Variants in GYS2 observed in about 807,000 individuals in gnomAD.
GYS2 encodes the protein glycogen synthase 2, also known as glycogen [starch] synthase, liver.
Under a neutral mutation model 85.6 loss-of-function variants are expected in GYS2, and 80 were observed. That is an observed-to-expected ratio of 0.93 (90% CI 0.78 to 1.13). GYS2 has a LOEUF of 1.13. Ranked by LOEUF, GYS2 falls within the 50% of genes most tolerant of loss-of-function variation. GYS2 has a pLI of 0.00. For synonymous variants in GYS2, 328 were observed against 300.7 expected, an observed-to-expected ratio of 1.09 and a Z score of -0.94; for missense variants, 881 against 854.9, an observed-to-expected ratio of 1.03 and a Z score of -0.38.
intron 1 of GYS2, among the ~76,000 whole-genome samples, chr12:21,586,460 T>TATC (rs1482246746): frequency 6.6e-5 from 10 of 151,272 alleles, no homozygotes; most frequent in South Asian, 6.3e-4. Flanking sequence ...TCTATCTATC[T>TATC]ATCTCCTATT....
rs2136906609 is a variant in GYS2, at chr12:21,576,067, A to G, written c.304-10T>C. On this transcript the variant is annotated splice_polypyrimidine_tract_variant and intron_variant, in intron 2 of 15. Transcript: ENST00000261195. The stretch of plus-strand genomic sequence containing the variant: ...ATCTTCCAAAATGCACCTGTCATAT[A>G]AAGAACACAGCCATGTAGTGATATT... The G allele has an allele frequency of 1.2e-6, 2 of 1,606,156 alleles. No homozygotes were observed. The highest frequency in any genetic ancestry group is 1.7e-6 in the Non-Finnish European group (2 of 1,175,242).
chr12:21,594,144 T>C (rs181938868), intron 1 of GYS2, among the ~76,000 whole-genome samples: 30 of 152,202 alleles, frequency 2.0e-4, no homozygotes, highest in African/African-American at 6.3e-4. Flanking sequence ...GCTAACATCA[T>C]ACTGAATTGG....
At chr12:21,552,910 C>G (rs892922223) in intron 11 of GYS2, among the ~76,000 whole-genome samples, 2 of 152,208 alleles carry the variant, frequency 1.3e-5, no homozygotes, top group Non-Finnish European at 2.9e-5. Context: ...AATCCGCTTT[C>G]TTCACCTCTC....
intron 1 of GYS2, among the ~76,000 whole-genome samples, chr12:21,581,973 C>T (rs558077629): frequency 8.6e-5 from 13 of 152,010 alleles, no homozygotes; most frequent in African/African-American, 2.9e-4. Context: ...CAAAACTAAA[C>T]ACAACAAAAA....
In GYS2 at chr12:21,541,284, A is replaced by AAC. The variant is rs1555153474; in HGVS notation, c.1646-712_1646-711insGT. On this transcript the variant is annotated intron_variant, in intron 13 of 15. Transcript: ENST00000261195. ...CCATGTTTCCAAAAAAAAAAAAAAAAAAAAAAACAAAAAACCCAGGGAAAT... is the reference window on the plus strand; with the variant it reads ...CCATGTTTCCAAAAAAAAAAAAAAAAACAAAAAAACAAAAAACCCAGGGAAAT... 8.6e-3 allele frequency among the ~76,000 whole-genome samples: 1,249 copies of AAC among 145,334 alleles called. 25 individuals carry two copies. Among genetic ancestry groups the AAC allele is most frequent in the African/African-American group, 0.029 (1,121 of 38,812 alleles).
At chr12:21,562,698 CAAAAAAAA>C (rs60049724) in intron 7 of GYS2, among the ~76,000 whole-genome samples, 2 of 98,288 alleles carry the variant, frequency 2.0e-5, no homozygotes. Context: ...TAAGATTCTC[CAAAAAAAA>C]AAAAAAAAAA....
intron 13 of GYS2, among the ~76,000 whole-genome samples, chr12:21,541,499 T>A (rs1193151208): frequency 6.6e-6 from 1 of 151,994 alleles, no homozygotes; most frequent in Non-Finnish European, 1.5e-5. Context: ...TACTATCTAA[T>A]GACCAATATA....
At chr12:21,581,061 C>A (rs1000948405) in intron 1 of GYS2, among the ~76,000 whole-genome samples, 3 of 152,160 alleles carry the variant, frequency 2.0e-5, no homozygotes, top group African/African-American at 4.8e-5. Flanking sequence ...AAGCAAAGTA[C>A]CTTTTGATAA....
Position 21,587,689 on chromosome 12 carries a change from A to G in GYS2, c.122-7166T>C, listed in dbSNP as rs527859562. Among the ~76,000 whole-genome samples, 5 of 152,114 alleles carry G rather than the reference A, an allele frequency of 3.3e-5. No homozygotes were observed. The East Asian group carries it at 7.7e-4, about 23-fold the overall frequency. ...GTCTTTATAAGCAGCATGATAACGAACTAGTACATACCTTCTAAATATATA... is the reference window on the plus strand; with the variant it reads ...GTCTTTATAAGCAGCATGATAACGAGCTAGTACATACCTTCTAAATATATA... On this transcript the variant is annotated intron_variant, in intron 1 of 15. Coordinates refer to ENST00000261195, the MANE Select transcript of GYS2 (RefSeq NM_021957.4).
At chr12:21,575,718 A>G (rs1246108336) in intron 3 of GYS2, 148 bp downstream of exon 3, 3 of 708,252 alleles carry the variant, frequency 4.2e-6, no homozygotes, top group East Asian at 2.6e-5. Context: ...AATGCTCAAC[A>G]TTTCCTCAGA....
chr12:21,552,439 C>T (rs1051137020), intron 11 of GYS2, among the ~76,000 whole-genome samples: 3 of 152,114 alleles, frequency 2.0e-5, no homozygotes, highest in African/African-American at 4.8e-5. Context: ...GAGTTTAGAA[C>T]CATTCTACAC....
At chr12:21,541,708 C>T (rs973637777) in intron 13 of GYS2, among the ~76,000 whole-genome samples, 1 of 151,756 alleles carries the variant, frequency 6.6e-6, no homozygotes, top group Non-Finnish European at 1.5e-5. Flanking sequence ...TTTTTTTTCT[C>T]CACTTTTAGT....
chr12:21,590,158 C>G (rs1032629887), intron 1 of GYS2, among the ~76,000 whole-genome samples: 1 of 152,122 alleles, frequency 6.6e-6, no homozygotes, highest in Non-Finnish European at 1.5e-5. Context: ...AAGCAACACA[C>G]CCCGCACCCC....
intron 1 of GYS2, among the ~76,000 whole-genome samples, chr12:21,589,760 T>A (rs1489679115): frequency 6.6e-6 from 1 of 152,092 alleles, no homozygotes; most frequent in African/African-American, 2.4e-5. Context: ...GAGACTATCA[T>A]AAGGAACTGC....
chr12:21,557,491 C>G (rs1311593622), intron 11 of GYS2, among the ~76,000 whole-genome samples: 1 of 152,162 alleles, frequency 6.6e-6, no homozygotes, highest in East Asian at 1.9e-4. Flanking sequence ...ACTGGAAGTT[C>G]CTCATATTAT....
chr12:21,586,343 G>C (rs553860325), intron 1 of GYS2, among the ~76,000 whole-genome samples: 13 of 152,174 alleles, frequency 8.5e-5, no homozygotes, highest in African/African-American at 2.9e-4. Flanking sequence ...TCCTCTGCTT[G>C]CAGATGGCCT....
At chr12:21,571,663 T>C (rs1232575987) in intron 4 of GYS2, among the ~76,000 whole-genome samples, 1 of 151,920 alleles carries the variant, frequency 6.6e-6, no homozygotes, top group African/African-American at 2.4e-5. Flanking sequence ...GAAATTCTGC[T>C]ACAATTAAGA....
chr12:21,548,614 C>T (rs1233413627), intron 11 of GYS2, among the ~76,000 whole-genome samples: 1 of 152,086 alleles, frequency 6.6e-6, no homozygotes, highest in Admixed American at 6.6e-5. Context: ...ACTACTGGCT[C>T]TTGTGCACTT....
At chr12:21,539,117 CCTCT>C (rs1943942936) in intron 15 of GYS2, 137 bp downstream of exon 15, 2 of 632,382 alleles carry the variant, frequency 3.2e-6, no homozygotes. Context: ...TTTGTGAGTT[CCTCT>C]CTCTCTCCTT....
Sources: gnomAD v4.1 joint callset for allele counts (sites outside exome capture counted in the v4.1 genomes callset) on GRCh38, gnomAD v4.1.1 for gene constraint, MANE v1.5 for transcripts, NCBI Gene and HGNC (gene_info 2026-07-23, HGNC 2026-07-21) for gene names.